DNAH9: variants seen among roughly 807,000 people sequenced by gnomAD.
DNAH9 encodes DNAH9 variant protein.
Under a neutral mutation model 471.6 loss-of-function variants are expected in DNAH9, and 345 were observed. That is an observed-to-expected ratio of 0.73 (90% CI 0.67 to 0.80). The LOEUF (loss-of-function observed/expected upper bound fraction) is 0.80. DNAH9 is among the 30% of genes least tolerant of loss of function. The pLI is 0.00. For synonymous variants in DNAH9, 2,093 were observed against 2,123.6 expected (o/e 0.99, Z 0.40); for missense variants, 5,407 against 5,609.2 (o/e 0.96, Z 1.15).
Position 11,892,172 on chromosome 17 carries a change from G to A in DNAH9, c.11283+225G>A, listed in dbSNP as rs116034835. On this transcript the variant is annotated intron_variant, in intron 58 of 68. Coordinates refer to ENST00000262442, the MANE Select transcript of DNAH9 (RefSeq NM_001372.4). The surrounding 1 kb of genome is among the most constrained non-coding windows in gnomAD (Gnocchi z 4.3). ...TTAATCCATCATTGTACTTTTTCTT[G>A]CTGATCCTGGAAGATCTAAGATCTT... Among the ~76,000 whole-genome samples, 603 of 152,136 alleles carry A rather than the reference G, an allele frequency of 4.0e-3. 5 individuals are homozygous for A. The highest frequency in any genetic ancestry group is 0.013 in the African/African-American group (556 of 41,476).
chr17:11,963,133 C>A (rs754488299), intron 68 of DNAH9, among the ~76,000 whole-genome samples: 7 of 116,632 alleles, frequency 6.0e-5, no homozygotes, highest in Non-Finnish European at 1.1e-4. Context: ...ATGACCAGTG[C>A]CCTTATAAGA....
chr17:11,610,680 G>T, intron 3 of DNAH9, 126 bp downstream of exon 3: 1 of 813,280 alleles, frequency 1.2e-6, no homozygotes, highest in Non-Finnish European at 1.9e-6. Context: ...CATCATCAGT[G>T]GGGTAGACAG....
chr17:11,759,107 G>A (rs910176711), intron 35 of DNAH9, among the ~76,000 whole-genome samples: 1 of 119,888 alleles, frequency 8.3e-6, no homozygotes, highest in South Asian at 2.7e-4. Flanking sequence ...TTCTTTTTTT[G>A]AGTTTTAAAA....
chr17:11,717,876 A>T (rs1256962678), intron 26 of DNAH9, among the ~76,000 whole-genome samples: 1 of 152,158 alleles, frequency 6.6e-6, no homozygotes, highest in Non-Finnish European at 1.5e-5. Context: ...GAATGACAAC[A>T]TATAATCTCT....
intron 49 of DNAH9, among the ~76,000 whole-genome samples, chr17:11,840,803 C>A (rs866220493): frequency 2.6e-5 from 4 of 152,062 alleles, no homozygotes; most frequent in Non-Finnish European, 5.9e-5. Context: ...GGCCACGAGC[C>A]AAGGAATCGG....
intron 48 of DNAH9, among the ~76,000 whole-genome samples, chr17:11,823,959 G>A (rs1970404355): frequency 6.6e-6 from 1 of 151,510 alleles, no homozygotes; most frequent in Non-Finnish European, 1.5e-5. Context: ...AAAAAAGAAA[G>A]AAAGAAATCC....
At chr17:11,821,318 A>G (rs1432690593) in intron 45 of DNAH9, among the ~76,000 whole-genome samples, 1 of 151,450 alleles carries the variant, frequency 6.6e-6, no homozygotes. Flanking sequence ...TCAACATCTA[A>G]CCATAATTTT....
intron 43 of DNAH9, among the ~76,000 whole-genome samples, chr17:11,802,572 C>T (rs562255866): frequency 6.6e-6 from 1 of 150,446 alleles, no homozygotes; most frequent in East Asian, 2.0e-4. Context: ...GTGGAAGTTG[C>T]AGGGAGCCAA....
chr17:11,784,646 G>A (rs931255675), intron 41 of DNAH9, 107 bp downstream of exon 41: 3 of 1,492,652 alleles, frequency 2.0e-6, no homozygotes, highest in Admixed American at 3.5e-5. Flanking sequence ...CACAGGCAAA[G>A]CCACTGTTCA....
intron 59 of DNAH9, among the ~76,000 whole-genome samples, chr17:11,894,992 C>A (rs541705573): frequency 2.0e-5 from 3 of 152,254 alleles, no homozygotes; most frequent in African/African-American, 7.2e-5. Flanking sequence ...AAATGCATTA[C>A]CTTATTTAAT....
chr17:11,851,834 T>C (rs1971431564), intron 49 of DNAH9, among the ~76,000 whole-genome samples: 3 of 116,090 alleles, frequency 2.6e-5, no homozygotes, highest in Non-Finnish European at 3.5e-5. Flanking sequence ...TTTATAGATA[T>C]ATATGAATAT....
At chr17:11,609,884 C>T (rs1462227247) in intron 2 of DNAH9, among the ~76,000 whole-genome samples, 1 of 152,132 alleles carries the variant, frequency 6.6e-6, no homozygotes, top group East Asian at 1.9e-4. Context: ...CCTCTTGCTG[C>T]ACAGGTCAGA....
intron 43 of DNAH9, among the ~76,000 whole-genome samples, chr17:11,804,137 A>G (rs1417022728): frequency 2.6e-5 from 4 of 152,248 alleles, no homozygotes; most frequent in Admixed American, 2.6e-4. Context: ...TAGAAATTAC[A>G]GTTTCATAGG....
intron 32 of DNAH9, among the ~76,000 whole-genome samples, chr17:11,750,492 G>T (rs1484060949): frequency 1.3e-5 from 2 of 151,986 alleles, no homozygotes; most frequent in African/African-American, 2.4e-5. Context: ...TTTCCTGATT[G>T]GTTCATGTAA....
rs547023975 is a variant in DNAH9, at chr17:11,934,435, A to ATTTTTTTTT, written c.12489+384_12489+392dup. Among the ~76,000 whole-genome samples, 50 of 86,028 alleles carry ATTTTTTTTT rather than the reference A, an allele frequency of 5.8e-4. 4 individuals carry two copies. Among genetic ancestry groups the ATTTTTTTTT allele is most frequent in the Non-Finnish European group, 8.1e-4 (36 of 44,586 alleles). The allele number at this position is 86,028 out of a possible 152,430, so 56.4% of individuals were successfully genotyped here. A position where few individuals can be genotyped will look rare whatever the true frequency, so the allele number is the denominator to read the frequency against. On this transcript the variant is annotated intron_variant, in intron 65 of 68. Transcript: ENST00000262442. Reference sequence around the variant, plus strand: ...TTTCACTTGGGATGTTGACAAACCCATTTTTTTTTTTTTTTTTTTTTTTTT... The same window carrying ATTTTTTTTT: ...TTTCACTTGGGATGTTGACAAACCCATTTTTTTTTTTTTTTTTTTTTTTTTTTTTTTTTT...
At chr17:11,609,130 A>G (rs374580678) in intron 2 of DNAH9, among the ~76,000 whole-genome samples, 4 of 152,278 alleles carry the variant, frequency 2.6e-5, no homozygotes, top group South Asian at 2.1e-4. Context: ...GAGTTTCCCA[A>G]TGTATTACTG....
Position 11,942,364 on chromosome 17 carries a change from T to A in DNAH9, c.12722T>A (p.Leu4241Gln), listed in dbSNP as rs761274972. 19 of 1,614,204 alleles carry A rather than the reference T, an allele frequency of 1.2e-5. No homozygotes were observed. Among genetic ancestry groups the A allele is most frequent in the Non-Finnish European group, 1.5e-5 (18 of 1,180,038 alleles). Residue 4241 changes from leucine (L) to glutamine (Q), a missense_variant, in exon 67 of 69, where the codon CTG (leucine) becomes CAG (glutamine). Transcript: ENST00000262442. ...RVTDEFNIPE[L>Q]MAKVEERTPY... ...ACAGACGAGTTTAACATCCCAGAAC[T>A]GATGGCCAAAGTGGAGGAGCGCACC... is the stretch of plus-strand genomic sequence containing the variant.
chr17:11,729,130 AG>A (rs1199512252), intron 28 of DNAH9, among the ~76,000 whole-genome samples: 2 of 152,162 alleles, frequency 1.3e-5, no homozygotes, highest in Non-Finnish European at 2.9e-5. Context: ...AATATGAAGG[AG>A]GGGCTGAGCA....
chr17:11,757,368 C>T (rs370260253), intron 34 of DNAH9, among the ~76,000 whole-genome samples, 177 bp from the exon 35 acceptor site: 12 of 152,236 alleles, frequency 7.9e-5, no homozygotes, highest in South Asian at 2.1e-4. Context: ...ATCATCAGTC[C>T]GCTGGAGTTG....
Sources: allele counts gnomAD v4.1 joint callset (sites outside exome capture counted in the v4.1 genomes callset), GRCh38; gene constraint gnomAD v4.1.1; non-coding constraint Gnocchi (gnomAD v3.1); transcripts MANE v1.5; gene names NCBI Gene and HGNC (gene_info 2026-07-23, HGNC 2026-07-21).